Variants in TFEC observed in about 807,000 individuals in gnomAD.
TFEC encodes transcription factor EC, also known as class E basic helix-loop-helix protein 34.
In TFEC, 31 loss-of-function variants were observed where a neutral mutation model predicts 41.6. The ratio of observed to expected loss-of-function variants is 0.74; its 90% CI spans 0.56 to 1.01. TFEC has a LOEUF of 1.01. Among genes scored for constraint, TFEC ranks in the 50% least tolerant of loss-of-function variants. The probability of loss-of-function intolerance (pLI) is 0.00; values close to 1 mark genes in which losing one functional copy is unlikely to be tolerated. For synonymous variants in TFEC, 143 were observed against 140.6 expected (o/e 1.02, Z -0.12); for missense variants, 402 against 404.1 (o/e 0.99, Z 0.04).
intron 1 of TFEC, among the ~76,000 whole-genome samples, chr7:116,153,925 G>C (rs1162078929): frequency 6.6e-6 from 1 of 152,182 alleles, no homozygotes; most frequent in African/African-American, 2.4e-5. Context: ...TGGAATCATA[G>C]AAAAAGGAAG....
In TFEC at chr7:115,935,282, T is replaced by C. The variant is rs1380190530; in HGVS notation, c.*5269A>G. On this transcript the variant is annotated 3_prime_UTR_variant, in exon 8 of 8. Coordinates refer to ENST00000265440, the MANE Select transcript of TFEC (RefSeq NM_012252.4). Reference sequence around the variant, plus strand: ...CCATTTTCTTAGAAAATAAGACACATTACTTTGTTATTAAAAATGAAAAAT... The same window carrying C: ...CCATTTTCTTAGAAAATAAGACACACTACTTTGTTATTAAAAATGAAAAAT... The C allele has an allele frequency of 6.6e-6, 1 of 151,948 alleles. No homozygotes were observed. Among genetic ancestry groups the C allele is most frequent in the Non-Finnish European group, 1.5e-5 (1 of 67,546 alleles). The allele number at this position is 151,948 out of a possible 1,614,324, so 9.4% of individuals were successfully genotyped here.
chr7:116,076,694 G>T (rs1189124599), intron 3 of TFEC, among the ~76,000 whole-genome samples: 1 of 151,880 alleles, frequency 6.6e-6, no homozygotes, highest in Non-Finnish European at 1.5e-5. Flanking sequence ...CGAAGGTAAG[G>T]CTTTCAAATT....
chr7:116,031,829 T>G (rs940277799), upstream of TFEC, among the ~76,000 whole-genome samples: 3 of 152,152 alleles, frequency 2.0e-5, no homozygotes, highest in African/African-American at 4.8e-5. Context: ...TCACCTTACC[T>G]TTTCTGGTTG....
intron 1 of TFEC, 140 bp from the exon 2 acceptor site, chr7:115,984,653 G>A: frequency 1.0e-6 from 1 of 1,002,606 alleles, no homozygotes; most frequent in South Asian, 2.1e-5. Context: ...CCATACTTCT[G>A]TCATAAGTTA....
intron 3 of TFEC, among the ~76,000 whole-genome samples, chr7:116,098,366 C>T (rs1406458715): frequency 1.3e-5 from 2 of 152,048 alleles, no homozygotes; most frequent in Non-Finnish European, 2.9e-5. Flanking sequence ...ACTGTGTTGC[C>T]TAGACTGGTC....
At chr7:116,126,301 A>T (rs1798207553) in intron 1 of TFEC, among the ~76,000 whole-genome samples, 2 of 152,178 alleles carry the variant, frequency 1.3e-5, no homozygotes, top group Non-Finnish European at 1.5e-5. Flanking sequence ...CACTAAATAA[A>T]TGTAAGGGAC....
chr7:115,941,071 C>T, intron 7 of TFEC, 140 bp from the exon 8 acceptor site: 1 of 811,752 alleles, frequency 1.2e-6, no homozygotes. Context: ...ATAATCTTTG[C>T]AAATAATGAA....
At chr7:116,157,180 A>T (rs1215580421) in intron 1 of TFEC, 1 of 152,136 alleles carries the variant, frequency 6.6e-6, no homozygotes, top group East Asian at 1.9e-4. Context: ...ATACTTTCAC[A>T]TGCAGAAGAG....
rs189103696 is a variant in TFEC, at chr7:116,076,286, A to G, written c.198+34422T>C. ...AGAATCTGAACAGTAGCCCTTGAGT[A>G]CCAGATTTCCCTCTGACATAGTCTA... On this transcript the variant is annotated intron_variant, in intron 3 of 8. Coordinates refer to the TFEC transcript ENST00000484212. Among the ~76,000 whole-genome samples the G allele has an allele frequency of 3.3e-5, 5 of 152,282 alleles. No individual in the cohort carries two copies. The East Asian group carries it at 9.7e-4, about 29-fold the overall frequency.
At chr7:116,099,891 G>T (rs920301393) in intron 3 of TFEC, among the ~76,000 whole-genome samples, 3 of 152,172 alleles carry the variant, frequency 2.0e-5, no homozygotes, top group Non-Finnish European at 2.9e-5. Flanking sequence ...GTGTAGTTGA[G>T]TGCTTTCATT....
At chr7:115,944,598 A>G (rs1035151459) in intron 6 of TFEC, among the ~76,000 whole-genome samples, 1 of 151,694 alleles carries the variant, frequency 6.6e-6, no homozygotes, top group Non-Finnish European at 1.5e-5. Flanking sequence ...GTCTTCAGGT[A>G]TTAGCTTTTA....
At chr7:115,963,754 T>C (rs925938650) in intron 3 of TFEC, among the ~76,000 whole-genome samples, 22 of 151,840 alleles carry the variant, frequency 1.4e-4, no homozygotes, top group African/African-American at 4.6e-4. Flanking sequence ...TATCAGGATC[T>C]GGAGATTCAG....
chr7:116,100,862 T>C (rs574716865), intron 3 of TFEC, among the ~76,000 whole-genome samples: 2 of 151,888 alleles, frequency 1.3e-5, no homozygotes, highest in Non-Finnish European at 2.9e-5. Flanking sequence ...TACAAGCAGA[T>C]GGGCATAGAT....
chr7:116,153,082 A>G (rs539967680), intron 1 of TFEC, among the ~76,000 whole-genome samples: 4 of 152,298 alleles, frequency 2.6e-5, no homozygotes, highest in African/African-American at 7.2e-5. Context: ...GGAAGAAAGT[A>G]CAATGCCTCA....
chr7:116,118,064 A>G (rs1378746262), intron 1 of TFEC, among the ~76,000 whole-genome samples: 1 of 151,846 alleles, frequency 6.6e-6, no homozygotes, highest in African/African-American at 2.4e-5. Context: ...CTTTAACACC[A>G]AAAGATCAAC....
intron 6 of TFEC, among the ~76,000 whole-genome samples, chr7:115,949,908 C>G (rs927720173): frequency 6.6e-6 from 1 of 152,034 alleles, no homozygotes; most frequent in East Asian, 1.9e-4. Flanking sequence ...TCAGAATGAA[C>G]AGGCAACCTA....
chr7:116,061,087 C>A (rs529533572), intron 3 of TFEC, among the ~76,000 whole-genome samples: 1 of 151,938 alleles, frequency 6.6e-6, no homozygotes, highest in African/African-American at 2.4e-5. Flanking sequence ...AATAGAAATC[C>A]AAGCAAGATT....
intron 3 of TFEC, among the ~76,000 whole-genome samples, chr7:116,080,979 G>GTATA (rs574870582): frequency 9.4e-6 from 1 of 106,454 alleles, no homozygotes; most frequent in Admixed American, 1.0e-4. Context: ...AAAATGTAGT[G>GTATA]TGTGTGTGTG....
At chr7:115,964,042 T>G (rs1554387454) in intron 3 of TFEC, among the ~76,000 whole-genome samples, 1 of 151,584 alleles carries the variant, frequency 6.6e-6, no homozygotes, top group South Asian at 2.1e-4. Flanking sequence ...CCAGAATAAT[T>G]AGGCAAAAAA....
Sources: allele counts gnomAD v4.1 joint callset (sites outside exome capture counted in the v4.1 genomes callset), GRCh38; gene constraint gnomAD v4.1.1; transcripts MANE v1.5; gene names NCBI Gene and HGNC (gene_info 2026-07-23, HGNC 2026-07-21).